The following AGAP1 variants were observed in gnomAD, a reference collection of about 807,000 sequenced individuals.
AGAP1 encodes arf-GAP with GTPase, ANK repeat and PH domain-containing protein 1.
A neutral mutation model predicts 105.3 loss-of-function variants in AGAP1; 29 were observed. The ratio of observed to expected loss-of-function variants is 0.28; its 90% CI spans 0.21 to 0.38. The LOEUF (loss-of-function observed/expected upper bound fraction) is 0.38, where lower values mean the gene tolerates loss of function less well. Ranked by LOEUF, AGAP1 falls within the 10% of genes least tolerant of loss-of-function variation. The pLI is 1.00. For missense variants in AGAP1, 998 were observed against 1,165.1 expected, an observed-to-expected ratio of 0.86 and a Z score of 2.09; for synonymous variants, 509 against 485.9, an observed-to-expected ratio of 1.05 and a Z score of -0.63.
chr2:235,686,985 A>T (rs1017898529), intron 1 of AGAP1, among the ~76,000 whole-genome samples: 4 of 151,888 alleles, frequency 2.6e-5, no homozygotes, highest in Non-Finnish European at 5.9e-5. Flanking sequence ...TTGAATAATT[A>T]TCTTCCTCAC....
rs1955933557 is a variant in AGAP1, at chr2:235,777,100, T to C, written c.674-20659T>C. ...GATGCTGGGCGCGGTGGCTCATGCC[T>C]GTAATTCCAGCACTTTGAGAGGCCA... On this transcript the variant is annotated intron_variant, in intron 6 of 17. Coordinates refer to ENST00000304032, the MANE Select transcript of AGAP1 (RefSeq NM_001037131.3). This position sits in a 1 kb window ranked among gnomAD's most constrained non-coding sequence, Gnocchi z 5.1. 8 of 469,794 alleles carry C rather than the reference T, an allele frequency of 1.7e-5. No individual in the cohort carries two copies. In the Admixed American group the frequency reaches 1.9e-4, roughly 11 times the overall value. 29.1% of individuals were successfully genotyped at this position (469,794 alleles called of 1,614,324 possible). A position where few individuals can be genotyped will look rare whatever the true frequency, so the allele number is the denominator to read the frequency against.
At chr2:235,523,289 CAG>C (rs765011337) in intron 1 of AGAP1, among the ~76,000 whole-genome samples, 22 of 152,178 alleles carry the variant, frequency 1.4e-4, no homozygotes, top group Non-Finnish European at 2.5e-4. Flanking sequence ...CATACAGATT[CAG>C]GGGGACACAT....
intron 6 of AGAP1, among the ~76,000 whole-genome samples, chr2:235,782,930 G>A (rs1295568762): frequency 6.6e-6 from 1 of 152,178 alleles, no homozygotes; most frequent in African/African-American, 2.4e-5. Context: ...GGTGTTGTAT[G>A]GGAGGCAGCA....
rs553049200 is a variant in AGAP1, at chr2:235,550,313, C to T, written c.163+55464C>T. On this transcript the variant is annotated intron_variant, in intron 1 of 17. Transcript: ENST00000304032. This position sits in a 1 kb window ranked among gnomAD's most constrained non-coding sequence, Gnocchi z 4.6. ...TGCCCTGTACTAGGGTCCCCTCTGGCACTCTTTCTCTGGGGCTCTGTGTTC... is the reference window on the plus strand; with the variant it reads ...TGCCCTGTACTAGGGTCCCCTCTGGTACTCTTTCTCTGGGGCTCTGTGTTC... Among the ~76,000 whole-genome samples, 14 of 152,344 alleles carry T rather than the reference C, an allele frequency of 9.2e-5. No homozygotes were observed. In the South Asian group the frequency reaches 1.5e-3, roughly 16 times the overall value.
chr2:235,513,070 A>G lies in AGAP1; in HGVS notation c.163+18221A>G, dbSNP rs1313403976. Reference sequence around the variant, plus strand: ...TCATTTTTGAGAAAATCTAGTTTGCACTTTCATTGGGCCCCTTTGTGTTTT... The same window carrying G: ...TCATTTTTGAGAAAATCTAGTTTGCGCTTTCATTGGGCCCCTTTGTGTTTT... On this transcript the variant is annotated intron_variant, in intron 1 of 17. Coordinates refer to ENST00000304032, the MANE Select transcript of AGAP1 (RefSeq NM_001037131.3). Among the ~76,000 whole-genome samples, 3 of 151,354 alleles carry G rather than the reference A, an allele frequency of 2.0e-5. 1 individual carries two copies. Among genetic ancestry groups the G allele is most frequent in the Non-Finnish European group, 2.9e-5 (2 of 67,876 alleles).
rs1014015640 is a variant in AGAP1 at position 235,893,098 on chromosome 2, G to A, written c.1155+9649G>A. On this transcript the variant is annotated intron_variant, in intron 10 of 17. Coordinates refer to ENST00000304032, the MANE Select transcript of AGAP1 (RefSeq NM_001037131.3). The surrounding 1 kb of genome is among the most constrained non-coding windows in gnomAD (Gnocchi z 4.7). ...CTTTCATGTGCTGTGTCTGTGGTGC[G>A]GGTGTGCTGTGTCCTCATAAGGGTG... 6.6e-5 allele frequency among the ~76,000 whole-genome samples: 10 copies of A among 152,136 alleles called. No homozygotes were observed. The East Asian group carries it at 7.7e-4, about 12-fold the overall frequency.
In AGAP1 at chr2:235,681,089, A is replaced by G. The variant is rs536311933; in HGVS notation, c.164-28090A>G. Among the ~76,000 whole-genome samples, 175 of 152,094 alleles carry G rather than the reference A, an allele frequency of 1.2e-3. 1 individual carries two copies. The South Asian group carries it at 0.014, about 12-fold the overall frequency. Reference sequence around the variant, plus strand: ...AGTGGCGCCATCTCGGCTCACTGCAAGCTCCGCCTCCCAGGTTCACACCGT... The same window carrying G: ...AGTGGCGCCATCTCGGCTCACTGCAGGCTCCGCCTCCCAGGTTCACACCGT... On this transcript the variant is annotated intron_variant, in intron 1 of 17. Coordinates refer to ENST00000304032, the MANE Select transcript of AGAP1 (RefSeq NM_001037131.3).
chr2:235,613,332 G>A (rs551680213), intron 1 of AGAP1, among the ~76,000 whole-genome samples: 10 of 152,276 alleles, frequency 6.6e-5, no homozygotes, highest in South Asian at 4.2e-4. Flanking sequence ...TTTGAGGCAA[G>A]CAGCCCTGGG....
chr2:235,982,106 G>C lies in AGAP1; in HGVS notation c.1645+13483G>C, dbSNP rs934485494. Among the ~76,000 whole-genome samples the C allele has an allele frequency of 6.6e-6, 1 of 152,188 alleles. No individual in the cohort carries two copies. The highest frequency in any genetic ancestry group is 2.1e-4 in the South Asian group (1 of 4,826). On this transcript the variant is annotated intron_variant, in intron 13 of 17. Transcript: ENST00000304032. This position sits in a 1 kb window ranked among gnomAD's most constrained non-coding sequence, Gnocchi z 4.9. The stretch of plus-strand genomic sequence containing the variant: ...TTTTTACAGCACTTAGAAAATACCA[G>C]ATCCACGAAGAACAAATGATCAAAG...
chr2:235,636,243 A>G (rs1946998322), intron 1 of AGAP1, among the ~76,000 whole-genome samples: 1 of 152,178 alleles, frequency 6.6e-6, no homozygotes, highest in African/African-American at 2.4e-5. Context: ...TCCTTTCTTC[A>G]GCGAGTGCAG....
chr2:235,512,061 G>A (rs550146512), intron 1 of AGAP1, among the ~76,000 whole-genome samples: 13 of 148,742 alleles, frequency 8.7e-5, no homozygotes, highest in Middle Eastern at 3.4e-3. Flanking sequence ...GTGTGAATGC[G>A]TATGTGTGAA....
At chr2:235,589,186 ATTGTTTTGTTTTT>A (rs1945233646) in intron 1 of AGAP1, among the ~76,000 whole-genome samples, 1 of 35,086 alleles carries the variant, frequency 2.9e-5, no homozygotes, top group Non-Finnish European at 5.9e-5. Context: ...TTAATAGCTT[ATTGTTTTGTTTTT>A]TTTTTTTTTT....
rs570967659 is a variant in AGAP1 at position 236,025,253 on chromosome 2, C to A, written c.1646-11308C>A. ...AACAGGGCATCCTCACAGGCACATGCTCGTTCTGCACGTTTGAAGTGAGGG... is the reference window on the plus strand; with the variant it reads ...AACAGGGCATCCTCACAGGCACATGATCGTTCTGCACGTTTGAAGTGAGGG... On this transcript the variant is annotated intron_variant, in intron 13 of 17. Transcript: ENST00000304032. 4.6e-5 allele frequency among the ~76,000 whole-genome samples: 7 copies of A among 152,304 alleles called. No individual in the cohort carries two copies. In the East Asian group the frequency reaches 1.3e-3, roughly 29 times the overall value.
Position 236,040,514 on chromosome 2 carries a change from T to G in AGAP1, c.1801-237T>G. ...TCCTCTTTGCTCATTTCTGGCAGAGTCCGTCTCAGCTGATGAGTTAAAATG... is the reference window on the plus strand; with the variant it reads ...TCCTCTTTGCTCATTTCTGGCAGAGGCCGTCTCAGCTGATGAGTTAAAATG... On this transcript the variant is annotated intron_variant, in intron 14 of 17. Transcript: ENST00000304032. This position sits in a 1 kb window ranked among gnomAD's most constrained non-coding sequence, Gnocchi z 5.6. 1 of 528,050 alleles carries G rather than the reference T, an allele frequency of 1.9e-6. No individual in the cohort carries two copies. The highest frequency in any genetic ancestry group is 3.4e-6 in the Non-Finnish European group (1 of 293,680). The allele number at this position is 528,050 out of a possible 1,614,324, so 32.7% of individuals were successfully genotyped here. A position where few individuals can be genotyped will look rare whatever the true frequency, so the allele number is the denominator to read the frequency against.
chr2:235,574,265 C>T lies in AGAP1; in HGVS notation c.163+79416C>T, dbSNP rs990033484. On this transcript the variant is annotated intron_variant, in intron 1 of 17. Coordinates refer to ENST00000304032, the MANE Select transcript of AGAP1 (RefSeq NM_001037131.3). The surrounding 1 kb of genome is among the most constrained non-coding windows in gnomAD (Gnocchi z 5.0). ...TAAAAACGCCTCTGAGATCCACCCCCACTCCTGCCATCAGGCATTAAAATC... is the reference window on the plus strand; with the variant it reads ...TAAAAACGCCTCTGAGATCCACCCCTACTCCTGCCATCAGGCATTAAAATC... Among the ~76,000 whole-genome samples, 3 of 152,380 alleles carry T rather than the reference C, an allele frequency of 2.0e-5. No individual in the cohort carries two copies. The highest frequency in any genetic ancestry group is 4.4e-5 in the Non-Finnish European group (3 of 68,042).
At position 235,968,466 on chromosome 2, in the gene AGAP1, A is replaced by G; in HGVS notation, c.1488A>G (p.Thr496=). 2.6e-6 allele frequency: 4 copies of G among 1,565,792 alleles called. No homozygotes were observed. The highest frequency in any genetic ancestry group is 2.4e-5 in the South Asian group (2 of 84,372). ...CCTTTTCCGGTCCAATGGCAGACAC[A>G]GGGCTGGGTGACTCCGTATGCTCCA... is the stretch of plus-strand genomic sequence containing the variant. ...VIANSAISSD[T]GLGDSVCSSP... is the part of the protein sequence containing the mutation. Residue 496 remains threonine (T), a synonymous_variant, in exon 13 of 18, where the codon ACA becomes ACG. Transcript: ENST00000304032.
intron 1 of AGAP1, among the ~76,000 whole-genome samples, chr2:235,500,646 G>T (rs752586608): frequency 6.6e-6 from 1 of 152,208 alleles, no homozygotes; most frequent in Non-Finnish European, 1.5e-5. Context: ...GCTAAGTGTG[G>T]TGGACGAGGG....
At position 235,655,444 on chromosome 2, in the gene AGAP1, C is replaced by T. The variant is rs1947741810; in HGVS notation, c.164-53735C>T. Among the ~76,000 whole-genome samples the T allele has an allele frequency of 6.6e-6, 1 of 152,218 alleles. No individual in the cohort carries two copies. Among genetic ancestry groups the T allele is most frequent in the Admixed American group, 6.5e-5 (1 of 15,282 alleles). ...GATCTCCTTAAGTGTTGCAGAATCACACCTGGACAACCCAGGTGCCCAGTC... is the reference window on the plus strand; with the variant it reads ...GATCTCCTTAAGTGTTGCAGAATCATACCTGGACAACCCAGGTGCCCAGTC... On this transcript the variant is annotated intron_variant, in intron 1 of 17. Coordinates refer to ENST00000304032, the MANE Select transcript of AGAP1 (RefSeq NM_001037131.3). This position sits in a 1 kb window ranked among gnomAD's most constrained non-coding sequence, Gnocchi z 4.3.
At chr2:235,952,077 T>G (rs2053760742) in intron 12 of AGAP1, among the ~76,000 whole-genome samples, 1 of 152,226 alleles carries the variant, frequency 6.6e-6, no homozygotes, top group African/African-American at 2.4e-5. Flanking sequence ...ACCAGATTGA[T>G]TCCAGTATTC....
Sources: allele counts gnomAD v4.1 joint callset (sites outside exome capture counted in the v4.1 genomes callset), GRCh38; gene constraint gnomAD v4.1.1; non-coding constraint Gnocchi (gnomAD v3.1); transcripts MANE v1.5; gene names NCBI Gene and HGNC (gene_info 2026-07-23, HGNC 2026-07-21).